SLC37A1: variants seen among roughly 807,000 people sequenced by gnomAD.
The protein encoded by SLC37A1 is glucose-6-phosphate exchanger SLC37A1.
Under a neutral mutation model 75.3 loss-of-function variants are expected in SLC37A1, and 49 were observed. The ratio of observed to expected loss-of-function variants is 0.65; its 90% CI spans 0.52 to 0.83. SLC37A1 has a LOEUF of 0.83. SLC37A1 is among the 40% of genes least tolerant of loss of function. The pLI is 0.00. For synonymous variants in SLC37A1, 268 were observed against 292.1 expected, an observed-to-expected ratio of 0.92 and a Z score of 0.84; for missense variants, 566 against 695.0, an observed-to-expected ratio of 0.81 and a Z score of 2.09.
intron 16 of SLC37A1, among the ~76,000 whole-genome samples, chr21:42,568,134 TAA>T (rs1481272939): frequency 6.6e-6 from 1 of 152,264 alleles, no homozygotes; most frequent in Non-Finnish European, 1.5e-5. Flanking sequence ...AAGAGAATCC[TAA>T]GAGTTCTTGT....
At chr21:42,579,346 AC>A (rs745676570) in intron 18 of SLC37A1, among the ~76,000 whole-genome samples, 6 of 152,198 alleles carry the variant, frequency 3.9e-5, no homozygotes, top group Admixed American at 6.5e-5. Flanking sequence ...CCACTGGGCC[AC>A]CCGCATTATG....
At chr21:42,542,260 G>A (rs2055301614) in intron 6 of SLC37A1, 144 bp from the exon 7 acceptor site, 1 of 588,712 alleles carries the variant, frequency 1.7e-6, no homozygotes, top group Non-Finnish European at 3.0e-6. Flanking sequence ...AGTTTAAACT[G>A]TATATAAATA....
Position 42,535,549 on chromosome 21 carries a change from A to G in SLC37A1, c.349A>G (p.Ser117Gly). Residue 117 changes from serine to glycine, a missense_variant and splice_region_variant, in exon 5 of 20, where the codon AGT (serine) becomes GGT (glycine). Transcript: ENST00000352133. ...CGCCTATGCCGTGGGGATGTACCTC[A>G]GGTAGGTCTCCTTCAGTTTTCCAGA... The part of the protein sequence containing the change: ...LCAYAVGMYL[S>G]GIIGERLPIR... The G allele has an allele frequency of 1.2e-6, 2 of 1,613,974 alleles. No individual in the cohort carries two copies. The highest frequency in any genetic ancestry group is 1.7e-5 in the Admixed American group (1 of 60,024).
upstream of SLC37A1, among the ~76,000 whole-genome samples, chr21:42,512,076 C>CAAAAA (rs35096877): frequency 6.8e-6 from 1 of 146,046 alleles, no homozygotes. Flanking sequence ...TTCTCACCAC[C>CAAAAA]AAAAAAAAAA....
At chr21:42,509,579 G>A (rs1000393520), upstream of SLC37A1, 1 of 152,228 alleles carries the variant, frequency 6.6e-6, no homozygotes, top group African/African-American at 2.4e-5. This position sits in a 1 kb window ranked among gnomAD's most constrained non-coding sequence, Gnocchi z 4.2. Context: ...TTGGGTTATA[G>A]TTCTTCAGTG....
chr21:42,508,243 C>T (rs1045962923), intron 2 of SLC37A1, among the ~76,000 whole-genome samples: 3 of 151,312 alleles, frequency 2.0e-5, no homozygotes, highest in Non-Finnish European at 4.4e-5. Flanking sequence ...ATTCTTCTGC[C>T]GCAGCCTCCC....
At chr21:42,504,703 T>G (rs1405269386) in intron 2 of SLC37A1, among the ~76,000 whole-genome samples, 1 of 152,208 alleles carries the variant, frequency 6.6e-6, no homozygotes, top group Admixed American at 6.5e-5. Flanking sequence ...GAGAACAGTT[T>G]CAAGTTATTA....
Position 42,559,035 on chromosome 21 carries a change from G to GGAAT in SLC37A1, c.929_930insATGA (p.Asp310GlufsTer2). 1 of 1,613,812 alleles carries GGAAT rather than the reference G, an allele frequency of 6.2e-7. No homozygotes were observed. The highest frequency in any genetic ancestry group is 8.5e-7 in the Non-Finnish European group (1 of 1,179,916). ...CGAACCACGTCGTCATTCTCCCCGG[G>GGAAT]GACGGTGGGAGTGGCACGGCCGCCA... On this transcript the variant is annotated frameshift_variant, in exon 11 of 20. Coordinates refer to ENST00000352133, the MANE Select transcript of SLC37A1 (RefSeq NM_001320537.2). LOFTEE classifies it high-confidence loss of function.
chr21:42,531,131 G>T (rs76032415), intron 3 of SLC37A1, among the ~76,000 whole-genome samples: 4,948 of 152,258 alleles, frequency 0.032, 131 homozygotes, highest in South Asian at 0.08. Flanking sequence ...GCTGGATGTG[G>T]CGAGGGAGTC....
chr21:42,542,355 C>A, intron 6 of SLC37A1, 49 bp from the exon 7 acceptor site: 1 of 1,576,362 alleles, frequency 6.3e-7, no homozygotes, highest in South Asian at 1.1e-5. Context: ...GCAGCGCTGT[C>A]CCGGGCCTGC....
chr21:42,571,516 G>C (rs2056163842), intron 17 of SLC37A1, among the ~76,000 whole-genome samples: 1 of 152,150 alleles, frequency 6.6e-6, no homozygotes, highest in Non-Finnish European at 1.5e-5. Flanking sequence ...TTGTACAGCG[G>C]CGTTCCGTCC....
intron 7 of SLC37A1, among the ~76,000 whole-genome samples, chr21:42,542,979 G>A (rs2055320286): frequency 6.6e-6 from 1 of 152,226 alleles, no homozygotes. Context: ...ATTTATGGTG[G>A]ACGATCGCAA....
chr21:42,566,776 G>C (rs2055990291), intron 15 of SLC37A1, among the ~76,000 whole-genome samples: 1 of 152,220 alleles, frequency 6.6e-6, no homozygotes, highest in Admixed American at 6.5e-5. Flanking sequence ...GCTCCCTCAT[G>C]GTGGCAGCTG....
intron 11 of SLC37A1, among the ~76,000 whole-genome samples, chr21:42,559,605 G>T (rs1312819977): frequency 6.6e-6 from 1 of 152,282 alleles, no homozygotes; most frequent in Non-Finnish European, 1.5e-5. Context: ...GCTGGGCGCA[G>T]TGGCTCACGC....
intron 3 of SLC37A1, among the ~76,000 whole-genome samples, chr21:42,531,623 G>A (rs228045): frequency 0.52 from 78,779 of 152,018 alleles, 20,891 homozygotes; most frequent in Admixed American, 0.64. Flanking sequence ...GGGATGGTGT[G>A]GCTATGCAGA....
Position 42,558,956 on chromosome 21 carries a change from A to G in SLC37A1, c.850-2A>G. 5 of 1,613,838 alleles carry G rather than the reference A, an allele frequency of 3.1e-6. No individual in the cohort carries two copies. Among genetic ancestry groups the G allele is most frequent in the South Asian group, 1.1e-5 (1 of 91,028 alleles). ...TTTTGTTCCCAATGGATTTGCCTCC[A>G]GGACCCAGAGATGCAGTGCCTGCTG... On this transcript the variant is annotated splice_acceptor_variant, in intron 10 of 19. Coordinates refer to ENST00000352133, the MANE Select transcript of SLC37A1 (RefSeq NM_001320537.2). LOFTEE classifies it high-confidence loss of function.
chr21:42,530,386 G>A (rs772604957), intron 3 of SLC37A1, among the ~76,000 whole-genome samples: 3 of 152,134 alleles, frequency 2.0e-5, no homozygotes, highest in Non-Finnish European at 4.4e-5. Context: ...CTGGCCGTGG[G>A]CAGGTGCTGT....
chr21:42,514,028 T>TGCGGCGCCCTCAGGGAGCCGGGC lies in SLC37A1; in HGVS notation c.-863_-841dup, dbSNP rs1311793080. On this transcript the variant is annotated 5_prime_UTR_variant, in exon 1 of 20. Transcript: ENST00000352133. This position sits in a 1 kb window ranked among gnomAD's most constrained non-coding sequence, Gnocchi z 4.8. Reference sequence around the variant, plus strand: ...TCAGGCGCCGCAGCCGCTCAGCACCTGCGGCGCCCTCAGGGAGCCGGGCGC... The same window carrying TGCGGCGCCCTCAGGGAGCCGGGC: ...TCAGGCGCCGCAGCCGCTCAGCACCTGCGGCGCCCTCAGGGAGCCGGGCGCGGCGCCCTCAGGGAGCCGGGCGC... 4 of 147,066 alleles carry TGCGGCGCCCTCAGGGAGCCGGGC rather than the reference T, an allele frequency of 2.7e-5. No individual in the cohort carries two copies. The highest frequency in any genetic ancestry group is 6.0e-5 in the Non-Finnish European group (4 of 66,564). 9.1% of individuals were successfully genotyped at this position (147,066 alleles called of 1,614,324 possible). A position where few individuals can be genotyped will look rare whatever the true frequency, so the allele number is the denominator to read the frequency against.
intron 3 of SLC37A1, among the ~76,000 whole-genome samples, chr21:42,533,512 C>G (rs917880976): frequency 6.6e-6 from 1 of 152,166 alleles, no homozygotes; most frequent in Non-Finnish European, 1.5e-5. Context: ...TGGCGCTGTC[C>G]TGGAAGTGTT....
Sources: allele counts gnomAD v4.1 joint callset (sites outside exome capture counted in the v4.1 genomes callset), GRCh38; gene constraint gnomAD v4.1.1; non-coding constraint Gnocchi (gnomAD v3.1); transcripts MANE v1.5; gene names NCBI Gene and HGNC (gene_info 2026-07-23, HGNC 2026-07-21).